EMC1: variants seen among roughly 807,000 people sequenced by gnomAD.
EMC1 encodes the protein KIAA0090.
EMC1 carries 103 observed loss-of-function variants against 128.8 expected under a neutral mutation model. The observed-to-expected ratio is 0.80, with a 90% CI of 0.68 to 0.94. EMC1 has a LOEUF of 0.94. Among genes scored for constraint, EMC1 ranks in the 40% least tolerant of loss-of-function variants. The pLI, the probability that EMC1 is intolerant of heterozygous loss-of-function variation, is 0.00. For missense variants in EMC1, 1,083 were observed against 1,250.6 expected (o/e 0.87, Z 2.02); for synonymous variants, 442 against 490.4 (o/e 0.90, Z 1.30).
rs770588339 is a variant in EMC1 at position 19,223,419 on chromosome 1, C to A, written c.2353G>T (p.Val785Leu). The A allele has an allele frequency of 7.4e-6, 12 of 1,613,964 alleles. No homozygotes were observed. In the African/African-American group the frequency reaches 1.6e-4, roughly 22 times the overall value. ...QKKAKGPVHI[V>L]HSENWVVYQY... ...ACCACCACCCAGTTCTCTGAATGCACGATATGGACAGGGCCTTTGGCTTTC... is the reference window on the plus strand; with the variant it reads ...ACCACCACCCAGTTCTCTGAATGCAAGATATGGACAGGGCCTTTGGCTTTC... Residue 785 changes from valine to leucine, a missense_variant, in exon 19 of 23, where the codon GTG (valine) becomes TTG (leucine). By Grantham distance (32) the Val-to-Leu change is conservative (BLOSUM62 1). Coordinates refer to ENST00000477853, the MANE Select transcript of EMC1 (RefSeq NM_015047.3).
rs75373366 is a variant in EMC1, at chr1:19,245,092, C to T, written c.96-62G>A. On this transcript the variant is annotated intron_variant, in intron 1 of 22. Coordinates refer to ENST00000477853, the MANE Select transcript of EMC1 (RefSeq NM_015047.3). Reference sequence around the variant, plus strand: ...AAAATCACCATTCCACAAAATGCTCCGGAAAAAAAATCACAGGGCTATCAC... The same window carrying T: ...AAAATCACCATTCCACAAAATGCTCTGGAAAAAAAATCACAGGGCTATCAC... The T allele has an allele frequency of 4.5e-3, 7,148 of 1,582,038 alleles. 144 individuals are homozygous for T. In the African/African-American group the frequency reaches 0.047, roughly 10 times the overall value.
In EMC1 at chr1:19,241,190, A is replaced by G. The variant is rs371446300; in HGVS notation, c.510-48T>C. On this transcript the variant is annotated intron_variant, in intron 5 of 22. Coordinates refer to ENST00000477853, the MANE Select transcript of EMC1 (RefSeq NM_015047.3). Reference sequence around the variant, plus strand: ...GCAGCGTCAGCTTTCAACCCAGGACAGGATTATCCTCAGGGGCTGCCAGGC... The same window carrying G: ...GCAGCGTCAGCTTTCAACCCAGGACGGGATTATCCTCAGGGGCTGCCAGGC... 5 of 1,603,964 alleles carry G rather than the reference A, an allele frequency of 3.1e-6. No individual in the cohort carries two copies. The African/African-American group carries it at 6.7e-5, about 22-fold the overall frequency.
chr1:19,238,127 A>C lies in EMC1; in HGVS notation c.1102T>G (p.Cys368Gly). The C allele has an allele frequency of 6.2e-7, 1 of 1,613,864 alleles. No homozygotes were observed. The highest frequency in any genetic ancestry group is 8.5e-7 in the Non-Finnish European group (1 of 1,179,950). Reference protein sequence around the residue: ...EKSSSKDSLACFNQTYTINLY... With the variant: ...EKSSSKDSLAGFNQTYTINLY... ...TTAATGGTGTAGGTCTGATTGAAGC[A>C]AGCCAGAGAGTCCTAGGAGTACAGA... Residue 368 changes from cysteine to glycine, a missense_variant, in exon 11 of 23, where the codon TGC (cysteine) becomes GGC (glycine). Physicochemically the swap from Cys to Gly is radical, Grantham distance 159. Coordinates refer to ENST00000477853, the MANE Select transcript of EMC1 (RefSeq NM_015047.3).
chr1:19,225,082 T>A (rs1021885649), intron 18 of EMC1, among the ~76,000 whole-genome samples: 27 of 152,226 alleles, frequency 1.8e-4, no homozygotes, highest in African/African-American at 6.5e-4. Flanking sequence ...ATATACTATC[T>A]AATTTACCTA....
chr1:19,245,631 T>TTTTTTTTTTC (rs1472963688), intron 1 of EMC1, among the ~76,000 whole-genome samples: 1 of 144,714 alleles, frequency 6.9e-6, no homozygotes, highest in East Asian at 2.1e-4. Context: ...ACCTTTCTTT[T>TTTTTTTTTTC]TTTTTTTTTT....
chr1:19,238,952 G>C, intron 9 of EMC1, 95 bp from the exon 10 acceptor site: 9 of 939,276 alleles, frequency 9.6e-6, no homozygotes, highest in Non-Finnish European at 1.6e-5. Flanking sequence ...TAGCACTTGA[G>C]AGAAGACAAA....
intron 8 of EMC1, among the ~76,000 whole-genome samples, chr1:19,239,518 A>T (rs1262414272): frequency 6.6e-6 from 1 of 152,202 alleles, no homozygotes; most frequent in African/African-American, 2.4e-5. Flanking sequence ...GGCACAGGTC[A>T]ATCTTAAATC....
In EMC1 at chr1:19,242,266, C is replaced by T. The variant is rs577894713; in HGVS notation, c.509+79G>A. On this transcript the variant is annotated intron_variant, in intron 5 of 22. Transcript: ENST00000477853. The stretch of plus-strand genomic sequence containing the variant: ...AGACAGGCCTGGGTTAAAGCAAATG[C>T]TTCGGGTCCCTCGAGGAGAAAGAGG... 13 of 1,526,522 alleles carry T rather than the reference C, an allele frequency of 8.5e-6. No homozygotes were observed. In the South Asian group the frequency reaches 1.4e-4, roughly 16 times the overall value. 94.6% of individuals were successfully genotyped at this position (1,526,522 alleles called of 1,614,324 possible). A position where few individuals can be genotyped will look rare whatever the true frequency, so the allele number is the denominator to read the frequency against.
Position 19,219,316 on chromosome 1 carries a change from C to T in EMC1, c.2969G>A (p.Arg990Gln), listed in dbSNP as rs763991776. The change falls in exon 23 of 23, where the codon CGG becomes CAG. Residue 990 changes from arginine to glutamine, a missense_variant. By Grantham distance (43) the Arg-to-Gln change is conservative. Around this residue, in one of 3 missense-constraint regions of EMC1, gnomAD observed 527 missense variants for 644.1 expected, o/e 0.82. Coordinates refer to ENST00000477853, the MANE Select transcript of EMC1 (RefSeq NM_015047.3). ...KRLAQVKLLN[R>Q]AWR is the part of the protein sequence containing the mutation. ...AGTCTTTGTTCTTTATCGCCAGGCC[C>T]GATTCAGGAGCTTCACCTGTGCCAG... 30 of 1,613,874 alleles carry T rather than the reference C, an allele frequency of 1.9e-5. No individual in the cohort carries two copies. The highest frequency in any genetic ancestry group is 3.3e-5 in the Admixed American group (2 of 59,956).
rs764884421 is a variant in EMC1, at chr1:19,217,821, C to T, written c.*1482G>A. 1 of 152,088 alleles carries T rather than the reference C, an allele frequency of 6.6e-6. No homozygotes were observed. Among genetic ancestry groups the T allele is most frequent in the Admixed American group, 6.6e-5 (1 of 15,264 alleles). 9.4% of individuals were successfully genotyped at this position (152,088 alleles called of 1,614,324 possible). A position where few individuals can be genotyped will look rare whatever the true frequency, so the allele number is the denominator to read the frequency against. The stretch of plus-strand genomic sequence containing the variant: ...AGATGCCTGTTTTTTTCTGGAGATT[C>T]TTAGACATTCAGTCACTCAATATCA... On this transcript the variant is annotated 3_prime_UTR_variant, in exon 23 of 23. Coordinates refer to ENST00000477853, the MANE Select transcript of EMC1 (RefSeq NM_015047.3).
At chr1:19,229,873 A>C (rs973908734) in intron 17 of EMC1, among the ~76,000 whole-genome samples, 1 of 152,232 alleles carries the variant, frequency 6.6e-6, no homozygotes, top group Non-Finnish European at 1.5e-5. Context: ...CCAGAGCCCA[A>C]GGTCACAAAG....
chr1:19,227,558 GGAATAGAGATCA>G, intron 17 of EMC1, 108 bp from the exon 18 acceptor site: 1 of 1,319,102 alleles, frequency 7.6e-7, no homozygotes, highest in Non-Finnish European at 1.1e-6. Context: ...TGTGCAGGAA[GGAATAGAGATCA>G]GAACTAGAAA....
Position 19,223,476 on chromosome 1 carries a change from T to G in EMC1, c.2296A>C (p.Thr766Pro). The change falls in exon 19 of 23, where the codon ACT (threonine) becomes CCT (proline). Residue 766 changes from threonine to proline, a missense_variant. Coordinates refer to ENST00000477853, the MANE Select transcript of EMC1 (RefSeq NM_015047.3). ...ACAGAGGAGTGAATGATACGCCCAG[T>G]GACGCCATCAATGAGGAAGATGCCA... is the stretch of plus-strand genomic sequence containing the variant. ...FIGIFLIDGV[T>P]GRIIHSSVQK... The G allele has an allele frequency of 6.2e-7, 1 of 1,614,190 alleles. No homozygotes were observed. Among genetic ancestry groups the G allele is most frequent in the South Asian group, 1.1e-5 (1 of 91,082 alleles).
intron 19 of EMC1, 184 bp from the exon 20 acceptor site, chr1:19,223,018 G>C (rs2093443920): frequency 1.7e-6 from 1 of 579,802 alleles, no homozygotes; most frequent in East Asian, 2.9e-5. Flanking sequence ...CTAGGCTATC[G>C]AAAGTTCACC....
At chr1:19,225,218 A>G (rs2093463449) in intron 18 of EMC1, among the ~76,000 whole-genome samples, 2 of 152,352 alleles carry the variant, frequency 1.3e-5, no homozygotes, top group Admixed American at 6.5e-5. Flanking sequence ...GCTAGCACTC[A>G]AAAACTGCTT....
chr1:19,243,899 A>C, intron 3 of EMC1, 51 bp downstream of exon 3: 1 of 1,593,210 alleles, frequency 6.3e-7, no homozygotes, highest in Non-Finnish European at 8.6e-7. Context: ...GAGCCAAGGA[A>C]TGGGACAGGG....
intron 1 of EMC1, among the ~76,000 whole-genome samples, chr1:19,247,530 G>A (rs981998801): frequency 3.3e-5 from 5 of 152,066 alleles, no homozygotes; most frequent in Admixed American, 6.6e-5. Flanking sequence ...TCACGTTTGC[G>A]GTGAAGGTGG....
intron 13 of EMC1, chr1:19,234,275 C>T: frequency 8.0e-6 from 5 of 627,590 alleles, no homozygotes; most frequent in Non-Finnish European, 9.9e-6. Context: ...GTGCCTGGTC[C>T]AGAGCAGGCC....
chr1:19,237,123 T>A lies in EMC1; in HGVS notation c.1309+19A>T. ...AGGCCTGGGGAAATAAAAAAATGGG[T>A]TGAATGAGGTCTACTTACCCAACTG... On this transcript the variant is annotated intron_variant, in intron 12 of 22. Coordinates refer to ENST00000477853, the MANE Select transcript of EMC1 (RefSeq NM_015047.3). The A allele has an allele frequency of 6.3e-7, 1 of 1,585,892 alleles. No individual in the cohort carries two copies. Among genetic ancestry groups the A allele is most frequent in the Non-Finnish European group, 8.7e-7 (1 of 1,154,620 alleles).
Sources: gnomAD v4.1 joint callset for allele counts (sites outside exome capture counted in the v4.1 genomes callset) on GRCh38, gnomAD v4.1.1 for gene constraint, gnomAD v4.1.1 regional missense constraint, MANE v1.5 for transcripts, NCBI Gene and HGNC (gene_info 2026-07-23, HGNC 2026-07-21) for gene names.